The following SCN3B variants were observed in gnomAD, a reference collection of about 807,000 sequenced individuals.
SCN3B encodes the protein sodium voltage-gated channel beta subunit 3.
Under a neutral mutation model 25.4 loss-of-function variants are expected in SCN3B, and 11 were observed. The ratio of observed to expected loss-of-function variants is 0.43; its 90% CI spans 0.27 to 0.72. The LOEUF is 0.72. Among genes scored for constraint, SCN3B ranks in the 30% least tolerant of loss-of-function variants. SCN3B has a pLI of 0.18. For missense variants in SCN3B, 218 were observed against 278.3 expected (o/e 0.78, Z 1.54); for synonymous variants, 109 against 110.7 (o/e 0.99, Z 0.09).
chr11:123,642,299 G>T lies in SCN3B; in HGVS notation c.445+147C>A. On this transcript the variant is annotated intron_variant, in intron 4 of 6. Transcript: ENST00000299333. This position sits in a 1 kb window ranked among gnomAD's most constrained non-coding sequence, Gnocchi z 4.3. Reference sequence around the variant, plus strand: ...GGAAGCTGGCCACCAGAAGAAGATGGGTCAATGGTGACATTTTTAGATGTC... The same window carrying T: ...GGAAGCTGGCCACCAGAAGAAGATGTGTCAATGGTGACATTTTTAGATGTC... The T allele has an allele frequency of 1.3e-6, 1 of 766,948 alleles. No individual in the cohort carries two copies. Among genetic ancestry groups the T allele is most frequent in the Non-Finnish European group, 2.3e-6 (1 of 443,914 alleles). The allele number at this position is 766,948 out of a possible 1,614,324, so 47.5% of individuals were successfully genotyped here.
In SCN3B at chr11:123,653,782, A is replaced by C. The variant is rs763529920; in HGVS notation, c.20T>G (p.Leu7Trp). The C allele has an allele frequency of 7.4e-6, 12 of 1,614,108 alleles. No individual in the cohort carries two copies. Among genetic ancestry groups the C allele is most frequent in the South Asian group, 4.4e-5 (4 of 91,088 alleles). MPAFNR[L>W]FPLASLVLIY... is the part of the protein sequence containing the mutation. ...AAGCACGAGAGAAGCCAGGGGAAAC[A>C]ATCTATTGAAGGCAGGCATCTTCTG... Residue 7 changes from leucine (L) to tryptophan (W), a missense_variant, in exon 2 of 7, where the codon TTG becomes TGG. Coordinates refer to ENST00000299333, the MANE Select transcript of SCN3B (RefSeq NM_001040151.2).
chr11:123,650,699 A>G (rs921263623), intron 2 of SCN3B, among the ~76,000 whole-genome samples: 1 of 152,226 alleles, frequency 6.6e-6, no homozygotes, highest in Non-Finnish European at 1.5e-5. Flanking sequence ...ATAGTAGCAC[A>G]TGTGTCCATG....
At position 123,630,506 on chromosome 11, in the gene SCN3B, C is replaced by T. The variant is rs1264330591; in HGVS notation, c.*3293G>A. ...CTCTTCTAAGCCCTTTAATAAGCAA[C>T]ATCATGCCAGATAAAGCTTCCAGAG... On this transcript the variant is annotated 3_prime_UTR_variant, in exon 7 of 7. Coordinates refer to ENST00000299333, the MANE Select transcript of SCN3B (RefSeq NM_001040151.2). 2 of 152,632 alleles carry T rather than the reference C, an allele frequency of 1.3e-5. No individual in the cohort carries two copies. The highest frequency in any genetic ancestry group is 2.9e-5 in the Non-Finnish European group (2 of 68,038). 9.5% of individuals were successfully genotyped at this position (152,632 alleles called of 1,614,324 possible).
rs759126853 is a variant in SCN3B, at chr11:123,653,736, C to T, written c.55+11G>A. 5.0e-6 allele frequency: 8 copies of T among 1,614,020 alleles called. No homozygotes were observed. Among genetic ancestry groups the T allele is most frequent in the Non-Finnish European group, 6.8e-6 (8 of 1,179,968 alleles). ...TACCTGCATCCGGCATGGCGAGGTG[C>T]TGGTACTTACCCCAGTAGATAAGCA... On this transcript the variant is annotated intron_variant, in intron 2 of 6. Coordinates refer to ENST00000299333, the MANE Select transcript of SCN3B (RefSeq NM_001040151.2).
intron 4 of SCN3B, among the ~76,000 whole-genome samples, chr11:123,641,358 A>G (rs1955788077): frequency 6.6e-6 from 1 of 152,186 alleles, no homozygotes; most frequent in African/African-American, 2.4e-5. Flanking sequence ...TTTTAGTCAT[A>G]TCGTCTGATC....
At chr11:123,644,031 G>T (rs1955820067) in intron 3 of SCN3B, among the ~76,000 whole-genome samples, 1 of 152,216 alleles carries the variant, frequency 6.6e-6, no homozygotes, top group Admixed American at 6.5e-5. Context: ...CCCTTCCATT[G>T]TCTCTGTTAC....
chr11:123,641,911 G>C (rs1287056068), intron 4 of SCN3B, among the ~76,000 whole-genome samples: 1 of 152,188 alleles, frequency 6.6e-6, no homozygotes, highest in South Asian at 2.1e-4. Flanking sequence ...TGCCCGCCAG[G>C]CAGTGTGTCA....
chr11:123,644,801 ATATATATATATAT>A (rs1209761198), intron 3 of SCN3B, among the ~76,000 whole-genome samples: 21 of 23,010 alleles, frequency 9.1e-4, no homozygotes, highest in African/African-American at 3.3e-3. Context: ...GAGAGAGAGA[ATATATATATATAT>A]ATATATATAT....
intron 2 of SCN3B, among the ~76,000 whole-genome samples, chr11:123,648,766 C>T (rs1304308419): frequency 6.6e-6 from 1 of 152,068 alleles, no homozygotes. Flanking sequence ...CTCAAGGGGC[C>T]CAAAGGAGTG....
At chr11:123,646,737 A>G (rs566301566) in intron 2 of SCN3B, among the ~76,000 whole-genome samples, 2 of 152,204 alleles carry the variant, frequency 1.3e-5, no homozygotes, top group Non-Finnish European at 2.9e-5. Flanking sequence ...TGAGCGGGAC[A>G]AGGCTGCCAG....
At chr11:123,646,825 T>G (rs538793523) in intron 2 of SCN3B, among the ~76,000 whole-genome samples, 7 of 152,308 alleles carry the variant, frequency 4.6e-5, no homozygotes, top group African/African-American at 1.7e-4. Flanking sequence ...CTCGGCACTG[T>G]TTTTGGAACA....
intron 5 of SCN3B, among the ~76,000 whole-genome samples, chr11:123,635,356 G>A (rs1955712262): frequency 6.6e-6 from 1 of 151,994 alleles, no homozygotes; most frequent in South Asian, 2.1e-4. Flanking sequence ...TGCCTGTGCA[G>A]TATCACAAAC....
Position 123,638,382 on chromosome 11 carries a change from T to C in SCN3B, c.446-58A>G, listed in dbSNP as rs72552160. 5.8e-4 allele frequency: 932 copies of C among 1,608,142 alleles called. 9 individuals carry two copies. The African/African-American group carries it at 0.011, about 20-fold the overall frequency. On this transcript the variant is annotated intron_variant, in intron 4 of 6. Transcript: ENST00000299333. The stretch of plus-strand genomic sequence containing the variant: ...AAATCCAGCAAACCTAGAGCCGTCA[T>C]TGGAGCCATATTTTTAAGTACAGCT...
intron 2 of SCN3B, among the ~76,000 whole-genome samples, chr11:123,646,635 AGG>A (rs1565497454): frequency 6.6e-6 from 1 of 152,176 alleles, no homozygotes; most frequent in African/African-American, 2.4e-5. Flanking sequence ...TGCCACACAG[AGG>A]TCTAAGACTT....
At position 123,645,761 on chromosome 11, in the gene SCN3B, G is replaced by T; in HGVS notation, c.56-11C>A. 6.2e-7 allele frequency: 1 copy of T among 1,614,012 alleles called. No individual in the cohort carries two copies. Among genetic ancestry groups the T allele is most frequent in the Non-Finnish European group, 8.5e-7 (1 of 1,179,998 alleles). On this transcript the variant is annotated splice_polypyrimidine_tract_variant and intron_variant, in intron 2 of 6. Coordinates refer to ENST00000299333, the MANE Select transcript of SCN3B (RefSeq NM_001040151.2). ...GGAAGCAGACACTGACTGCAGAGAG[G>T]ACAGATGGACAGGGAAGGAACAGCA...
intron 2 of SCN3B, among the ~76,000 whole-genome samples, chr11:123,651,598 A>T (rs1163380760): frequency 6.6e-6 from 1 of 152,174 alleles, no homozygotes; most frequent in East Asian, 1.9e-4. Flanking sequence ...TCCTGACCTC[A>T]GGTGATCCAC....
In SCN3B at chr11:123,633,666, G is replaced by A; in HGVS notation, c.*133C>T. 4.0e-6 allele frequency: 1 copy of A among 251,578 alleles called. No homozygotes were observed. 15.6% of individuals were successfully genotyped at this position (251,578 alleles called of 1,614,324 possible). On this transcript the variant is annotated 3_prime_UTR_variant, in exon 7 of 7. Coordinates refer to ENST00000299333, the MANE Select transcript of SCN3B (RefSeq NM_001040151.2). ...CAGGTGGATGTATGGATGAATGAAT[G>A]AACAGAACAATGGATGCATGAAGGG...
At chr11:123,636,908 T>C (rs1242828672) in intron 5 of SCN3B, among the ~76,000 whole-genome samples, 2 of 152,164 alleles carry the variant, frequency 1.3e-5, no homozygotes, top group African/African-American at 4.8e-5. Flanking sequence ...TTAACCAGGA[T>C]GTCTCGATCT....
rs774317879 is a variant in SCN3B, at chr11:123,638,326, TGAAA to T, written c.446-6_446-3del. 2 of 1,613,914 alleles carry T rather than the reference TGAAA, an allele frequency of 1.2e-6. No individual in the cohort carries two copies. The highest frequency in any genetic ancestry group is 3.3e-5 in the Admixed American group (2 of 60,018). ...CCACAGAGGTGAAGTCCTCTCCAGC[TGAAA>T]GAAAGAGAATGAGGTTCAGAATATG... is the stretch of plus-strand genomic sequence containing the variant. On this transcript the variant is annotated splice_polypyrimidine_tract_variant and splice_region_variant and intron_variant, in intron 4 of 6. Coordinates refer to ENST00000299333, the MANE Select transcript of SCN3B (RefSeq NM_001040151.2).
Sources: allele counts gnomAD v4.1 joint callset (sites outside exome capture counted in the v4.1 genomes callset), GRCh38; gene constraint gnomAD v4.1.1; non-coding constraint Gnocchi (gnomAD v3.1); transcripts MANE v1.5; gene names NCBI Gene and HGNC (gene_info 2026-07-23, HGNC 2026-07-21).